DHX35: variants seen among roughly 807,000 people sequenced by gnomAD.
DHX35 encodes the protein probable ATP-dependent RNA helicase DHX35.
A neutral mutation model predicts 99.6 loss-of-function variants in DHX35; 84 were observed. The ratio of observed to expected loss-of-function variants is 0.84; its 90% CI spans 0.71 to 1.01. The LOEUF is 1.01. Among genes scored for constraint, DHX35 ranks in the 50% least tolerant of loss-of-function variants. DHX35 has a pLI of 0.00. For synonymous variants in DHX35, 331 were observed against 316.2 expected, an observed-to-expected ratio of 1.05 and a Z score of -0.50; for missense variants, 852 against 888.5, an observed-to-expected ratio of 0.96 and a Z score of 0.52.
At chr20:39,035,293 A>G (rs1321513754) in intron 21 of DHX35, among the ~76,000 whole-genome samples, 1 of 151,760 alleles carries the variant, frequency 6.6e-6, no homozygotes, top group East Asian at 1.9e-4. Context: ...GCTGGTCTTG[A>G]ACTCCTGACC....
In DHX35 at chr20:39,018,975, C is replaced by T; in HGVS notation, c.1498+76C>T. On this transcript the variant is annotated intron_variant, in intron 15 of 21. Coordinates refer to ENST00000252011, the MANE Select transcript of DHX35 (RefSeq NM_021931.4). ...GTTGTTTGCCTGAATTCTGAGCACCCTGGGGAAGAGGGTACAATATGGTAA... is the reference window on the plus strand; with the variant it reads ...GTTGTTTGCCTGAATTCTGAGCACCTTGGGGAAGAGGGTACAATATGGTAA... 2.9e-6 allele frequency: 4 copies of T among 1,369,288 alleles called. No individual in the cohort carries two copies. In the East Asian group the frequency reaches 6.9e-5, roughly 24 times the overall value. The allele number at this position is 1,369,288 out of a possible 1,614,324, so 84.8% of individuals were successfully genotyped here. A position where few individuals can be genotyped will look rare whatever the true frequency, so the allele number is the denominator to read the frequency against.
chr20:39,006,352 T>C lies in DHX35; in HGVS notation c.1218T>C (p.Tyr406=). The C allele has an allele frequency of 6.2e-7, 1 of 1,614,034 alleles. No homozygotes were observed. The highest frequency in any genetic ancestry group is 8.5e-7 in the Non-Finnish European group (1 of 1,179,910). ...RSRSGKCYRL[Y]TEEAFDKLPQ... Reference sequence around the variant, plus strand: ...GCTCGGGAAAATGTTATCGCCTTTATACAGGTTAGTGTGGCTTTCCCTAAG... The same window carrying C: ...GCTCGGGAAAATGTTATCGCCTTTACACAGGTTAGTGTGGCTTTCCCTAAG... The change falls in exon 12 of 22, where the codon TAT becomes TAC. Residue 406 remains tyrosine, a synonymous_variant. Transcript: ENST00000252011.
At chr20:38,969,616 A>C (rs1396886710) in intron 2 of DHX35, among the ~76,000 whole-genome samples, 1 of 152,190 alleles carries the variant, frequency 6.6e-6, no homozygotes, top group Non-Finnish European at 1.5e-5. Context: ...TGGGAATATG[A>C]GGTTGTTTCT....
chr20:38,992,119 G>A lies in DHX35; in HGVS notation c.513-237G>A, dbSNP rs372356868. On this transcript the variant is annotated intron_variant, in intron 6 of 21. Coordinates refer to ENST00000252011, the MANE Select transcript of DHX35 (RefSeq NM_021931.4). ...ATATTAAATTCTGTTGGAATTCAGT[G>A]TGGATGGTAAAACGCTTAAAGATAA... Among the ~76,000 whole-genome samples the A allele has an allele frequency of 7.2e-5, 11 of 152,354 alleles. No individual in the cohort carries two copies. In the South Asian group the frequency reaches 2.1e-3, roughly 29 times the overall value.
At chr20:38,986,717 TG>T (rs930679304) in intron 4 of DHX35, among the ~76,000 whole-genome samples, 117 of 152,322 alleles carry the variant, frequency 7.7e-4, no homozygotes, top group African/African-American at 2.8e-3. Context: ...GGTGAAATGC[TG>T]GTCATTGGGA....
intron 8 of DHX35, among the ~76,000 whole-genome samples, chr20:38,998,388 G>A (rs567474761): frequency 6.6e-6 from 1 of 152,334 alleles, no homozygotes; most frequent in Admixed American, 6.5e-5. Context: ...GGCCAAGGCT[G>A]TTGGCCAATC....
chr20:39,034,575 T>C (rs2087115363), intron 21 of DHX35, among the ~76,000 whole-genome samples: 1 of 150,702 alleles, frequency 6.6e-6, no homozygotes, highest in Non-Finnish European at 1.5e-5. Context: ...CTTTCTCCTT[T>C]TGCTCTTCCA....
intron 4 of DHX35, among the ~76,000 whole-genome samples, chr20:38,987,729 A>T (rs1316822268): frequency 6.6e-6 from 1 of 151,846 alleles, no homozygotes; most frequent in Non-Finnish European, 1.5e-5. Context: ...TGATGGATGA[A>T]ATTTTGTCTA....
In DHX35 at chr20:39,034,335, C is replaced by T; in HGVS notation, c.2067+18C>T. The T allele has an allele frequency of 6.3e-7, 1 of 1,595,198 alleles. No individual in the cohort carries two copies. Among genetic ancestry groups the T allele is most frequent in the Non-Finnish European group, 8.6e-7 (1 of 1,162,788 alleles). On this transcript the variant is annotated intron_variant, in intron 21 of 21. Transcript: ENST00000252011. The stretch of plus-strand genomic sequence containing the variant: ...AAGGAACGGTAGGAATGAACTGAGT[C>T]TGTGCCCCAGCCACCTGTTCACAGC...
intron 3 of DHX35, among the ~76,000 whole-genome samples, chr20:38,976,921 C>A (rs565356417): frequency 6.6e-6 from 1 of 152,182 alleles, no homozygotes; most frequent in Non-Finnish European, 1.5e-5. Context: ...TGTGTTGGCG[C>A]AAATGACAGG....
At chr20:38,994,473 A>G (rs1011608195) in intron 7 of DHX35, among the ~76,000 whole-genome samples, 2 of 151,994 alleles carry the variant, frequency 1.3e-5, no homozygotes, top group African/African-American at 4.8e-5. Flanking sequence ...TCATACATAG[A>G]TTCAAACTAT....
At chr20:38,972,520 A>G in intron 2 of DHX35, 39 bp from the exon 3 acceptor site, 4 of 1,326,712 alleles carry the variant, frequency 3.0e-6, no homozygotes, top group Non-Finnish European at 4.3e-6. Flanking sequence ...CTTTTGAGAC[A>G]ATGTATGGCT....
At chr20:38,991,640 C>G (rs2086339229) in intron 6 of DHX35, 125 bp downstream of exon 6, 2 of 770,108 alleles carry the variant, frequency 2.6e-6, no homozygotes, top group Non-Finnish European at 4.1e-6. Context: ...TTCTCTTGAC[C>G]TTGGCTGTTG....
At chr20:38,971,595 T>C (rs1332503378) in intron 2 of DHX35, among the ~76,000 whole-genome samples, 1 of 152,182 alleles carries the variant, frequency 6.6e-6, no homozygotes, top group South Asian at 2.1e-4. Flanking sequence ...TGTAAGAACA[T>C]GTCAACCTCT....
intron 13 of DHX35, among the ~76,000 whole-genome samples, chr20:39,011,191 T>G (rs1376984373): frequency 3.9e-5 from 6 of 152,038 alleles, no homozygotes; most frequent in Non-Finnish European, 7.4e-5. Context: ...TCAAGAGTCC[T>G]TTGAATATTA....
chr20:39,038,705 C>T lies in DHX35; in HGVS notation c.*162C>T. 1 of 668,300 alleles carries T rather than the reference C, an allele frequency of 1.5e-6. No homozygotes were observed. The highest frequency in any genetic ancestry group is 2.5e-6 in the Non-Finnish European group (1 of 393,922). 41.4% of individuals were successfully genotyped at this position (668,300 alleles called of 1,614,324 possible). On this transcript the variant is annotated 3_prime_UTR_variant, in exon 22 of 22. Transcript: ENST00000252011. ...ATTAGTCCTTTCTTCCCGCTGCCCA[C>T]AGCATTTGCATCCTTGCTGGGATCC...
intron 6 of DHX35, among the ~76,000 whole-genome samples, chr20:38,992,050 G>T (rs997690677): frequency 6.6e-6 from 1 of 152,154 alleles, no homozygotes. Context: ...ATTTTTATGT[G>T]TTCTGTGGGG....
chr20:38,996,338 T>C (rs2086428611), intron 8 of DHX35, among the ~76,000 whole-genome samples: 1 of 152,182 alleles, frequency 6.6e-6, no homozygotes, highest in African/African-American at 2.4e-5. Context: ...CCTAAAACAA[T>C]GTCTAGCACA....
intron 12 of DHX35, among the ~76,000 whole-genome samples, chr20:39,009,118 C>G (rs1163439030): frequency 6.6e-6 from 1 of 152,176 alleles, no homozygotes; most frequent in African/African-American, 2.4e-5. Flanking sequence ...TTAGGAAACA[C>G]CCACTTCCTG....
Sources: gnomAD v4.1 joint callset for allele counts (sites outside exome capture counted in the v4.1 genomes callset) on GRCh38, gnomAD v4.1.1 for gene constraint, MANE v1.5 for transcripts, NCBI Gene and HGNC (gene_info 2026-07-23, HGNC 2026-07-21) for gene names.